SCN11A: variants seen among roughly 807,000 people sequenced by gnomAD.
SCN11A encodes sodium channel protein type 11 subunit alpha.
In SCN11A, 122 loss-of-function variants were observed where a neutral mutation model predicts 162.2. The ratio of observed to expected loss-of-function variants is 0.75; its 90% CI spans 0.65 to 0.87. The LOEUF is 0.87. SCN11A is among the 40% of genes least tolerant of loss of function. The probability of loss-of-function intolerance (pLI) is 0.00; values close to 1 mark genes in which losing one functional copy is unlikely to be tolerated. For missense variants in SCN11A, 2,015 were observed against 2,181.6 expected (o/e 0.92, Z 1.52); for synonymous variants, 758 against 751.5 (o/e 1.01, Z -0.14).
Position 38,942,373 on chromosome 3 carries a change from G to A in SCN11A, c.488+3038C>T, listed in dbSNP as rs148105640. Among the ~76,000 whole-genome samples, 60 of 152,210 alleles carry A rather than the reference G, an allele frequency of 3.9e-4. 1 individual carries two copies. In the East Asian group the frequency reaches 0.011, roughly 27 times the overall value. Reference sequence around the variant, plus strand: ...CACCTTAACTTAACTGACCTTTTAAGGAGTATTTAAGAATGTGGCAGAATC... The same window carrying A: ...CACCTTAACTTAACTGACCTTTTAAAGAGTATTTAAGAATGTGGCAGAATC... On this transcript the variant is annotated intron_variant, in intron 7 of 29. Transcript: ENST00000302328.
At position 38,847,992 on chromosome 3, in the gene SCN11A, T is replaced by G. The variant is rs80340831; in HGVS notation, c.4328-250A>C. Among the ~76,000 whole-genome samples, 512 of 152,332 alleles carry G rather than the reference T, an allele frequency of 3.4e-3. 4 individuals carry two copies. The highest frequency in any genetic ancestry group is 0.014 in the Middle Eastern group (4 of 294). ...TAGAAGAATTTAAATACAGCCCTAC[T>G]ACAAGTGAGGACAGCTTATCTGCTG... On this transcript the variant is annotated intron_variant, in intron 29 of 29. Transcript: ENST00000302328.
chr3:39,010,860 G>T lies in SCN11A; in HGVS notation c.-280+21520C>A, dbSNP rs114202234. Among the ~76,000 whole-genome samples the T allele has an allele frequency of 8.0e-3, 1,212 of 152,276 alleles. 19 individuals carry two copies. Among genetic ancestry groups the T allele is most frequent in the African/African-American group, 0.028 (1,165 of 41,548 alleles). On this transcript the variant is annotated intron_variant, in intron 2 of 29. Transcript: ENST00000302328. ...CCGAACTGGGGGGTGGAACATAAGA[G>T]AATAACAAGGGTGGGATTGCTGAGG...
At position 38,937,614 on chromosome 3, in the gene SCN11A, A is replaced by G. The variant is rs879565310; in HGVS notation, c.488+7797T>C. ...AGACATTTATGCAGCCAAAAAACAC[A>G]TGAAAAAATGCTCACCATCACTGGC... is the stretch of plus-strand genomic sequence containing the variant. On this transcript the variant is annotated intron_variant, in intron 7 of 29. Coordinates refer to ENST00000302328, the MANE Select transcript of SCN11A (RefSeq NM_001349253.2). Among the ~76,000 whole-genome samples the G allele has an allele frequency of 4.7e-3, 705 of 149,944 alleles. 2 individuals carry two copies. Among genetic ancestry groups the G allele is most frequent in the Middle Eastern group, 6.9e-3 (2 of 288 alleles).
At chr3:39,049,036 T>G (rs1324602211) in intron 1 of SCN11A, among the ~76,000 whole-genome samples, 2 of 152,256 alleles carry the variant, frequency 1.3e-5, no homozygotes, top group Non-Finnish European at 2.9e-5. Flanking sequence ...CCCATGAAGC[T>G]CTGCATAAAT....
chr3:38,936,542 T>C (rs1299146354), intron 7 of SCN11A, among the ~76,000 whole-genome samples: 2 of 151,540 alleles, frequency 1.3e-5, no homozygotes, highest in South Asian at 2.1e-4. Context: ...ACAAAATCAA[T>C]GTACAAAAAT....
Position 38,868,905 on chromosome 3 carries a change from G to A in SCN11A, c.3814-1447C>T, listed in dbSNP as rs1330182188. ...CTCAGTTCTCATGTGGCTTGGACAC[G>A]GAGTTGATAGCCATGGGCCTGTCAT... On this transcript the variant is annotated intron_variant, in intron 26 of 29. Transcript: ENST00000302328. 3.9e-5 allele frequency among the ~76,000 whole-genome samples: 6 copies of A among 152,286 alleles called. No homozygotes were observed. In the East Asian group the frequency reaches 7.7e-4, roughly 20 times the overall value.
At chr3:38,915,628 T>C (rs754788906) in intron 11 of SCN11A, among the ~76,000 whole-genome samples, 29 of 152,194 alleles carry the variant, frequency 1.9e-4, no homozygotes, top group Non-Finnish European at 5.9e-5. Context: ...ATTTTTTTAG[T>C]CTTTTCTTCT....
chr3:39,019,340 A>T (rs1471512159), intron 2 of SCN11A, among the ~76,000 whole-genome samples: 3 of 151,936 alleles, frequency 2.0e-5, no homozygotes, highest in African/African-American at 7.3e-5. Flanking sequence ...CACCCTTTTG[A>T]TTGCACCTCC....
chr3:38,957,301 C>T (rs1202768202), intron 3 of SCN11A, among the ~76,000 whole-genome samples: 1 of 152,094 alleles, frequency 6.6e-6, no homozygotes. Context: ...ACGTTATATC[C>T]TTCTCAACAT....
intron 18 of SCN11A, among the ~76,000 whole-genome samples, chr3:38,895,736 TCTC>T (rs1316643858): frequency 6.6e-6 from 1 of 152,006 alleles, no homozygotes; most frequent in Non-Finnish European, 1.5e-5. Context: ...TTGCTTAAGC[TCTC>T]CTCTATCTGT....
chr3:38,912,360 T>C (rs1039034275), intron 11 of SCN11A, among the ~76,000 whole-genome samples: 2 of 152,158 alleles, frequency 1.3e-5, no homozygotes, highest in Non-Finnish European at 2.9e-5. Flanking sequence ...GAGAAGCATC[T>C]GTAACAGTTT....
rs181003574 is a variant in SCN11A at position 38,948,736 on chromosome 3, G to A, written c.267+1360C>T. ...AAGTGAGGACCCAGGCTGAGAAGTG[G>A]TGGTCCTAGAATTACCACCCAGGCT... On this transcript the variant is annotated intron_variant, in intron 5 of 29. Transcript: ENST00000302328. 1.6e-3 allele frequency among the ~76,000 whole-genome samples: 246 copies of A among 152,282 alleles called. 1 individual carries two copies. Among genetic ancestry groups the A allele is most frequent in the African/African-American group, 5.3e-3 (222 of 41,534 alleles).
intron 2 of SCN11A, among the ~76,000 whole-genome samples, chr3:38,976,786 C>T (rs1218673950): frequency 1.4e-4 from 22 of 152,284 alleles, no homozygotes; most frequent in Non-Finnish European, 7.4e-5. Flanking sequence ...CCCAGGATCT[C>T]TAATTCTTCT....
intron 16 of SCN11A, among the ~76,000 whole-genome samples, chr3:38,903,421 T>C (rs937937392): frequency 1.3e-5 from 2 of 151,886 alleles, no homozygotes; most frequent in African/African-American, 2.4e-5. Flanking sequence ...TCCAAAAAAG[T>C]GAAACTTCCA....
intron 11 of SCN11A, among the ~76,000 whole-genome samples, chr3:38,918,317 T>C (rs1310377100): frequency 6.6e-6 from 1 of 152,192 alleles, no homozygotes; most frequent in Non-Finnish European, 1.5e-5. Context: ...TACTGGTTCA[T>C]GGCCTGCTAG....
At chr3:38,940,656 G>A (rs989958469) in intron 7 of SCN11A, among the ~76,000 whole-genome samples, 1 of 151,948 alleles carries the variant, frequency 6.6e-6, no homozygotes. Flanking sequence ...ACCCTTGAAT[G>A]AATTCCAAAT....
At chr3:38,949,882 C>A (rs2066575332) in intron 5 of SCN11A, among the ~76,000 whole-genome samples, 1 of 152,110 alleles carries the variant, frequency 6.6e-6, no homozygotes, top group Non-Finnish European at 1.5e-5. Context: ...TCATCCTCAT[C>A]TTCTCCTCTA....
intron 7 of SCN11A, among the ~76,000 whole-genome samples, chr3:38,932,146 A>G (rs1271838777): frequency 6.6e-6 from 1 of 151,424 alleles, no homozygotes; most frequent in African/African-American, 2.5e-5. Context: ...ACATATTAAA[A>G]CCTACAAGAC....
intron 7 of SCN11A, among the ~76,000 whole-genome samples, chr3:38,934,768 CAAT>C: frequency 1.3e-5 from 2 of 152,026 alleles, no homozygotes; most frequent in Non-Finnish European, 2.9e-5. Flanking sequence ...GACTCCCACA[CAAT>C]AATAATGGGA....
Sources: gnomAD v4.1 joint callset for allele counts (sites outside exome capture counted in the v4.1 genomes callset) on GRCh38, gnomAD v4.1.1 for gene constraint, MANE v1.5 for transcripts, NCBI Gene and HGNC (gene_info 2026-07-23, HGNC 2026-07-21) for gene names.